SNX29: variants seen among roughly 807,000 people sequenced by gnomAD.
The protein encoded by SNX29 is sorting nexin-29.
A neutral mutation model predicts 102.1 loss-of-function variants in SNX29; 78 were observed. The ratio of observed to expected loss-of-function variants is 0.76; its 90% CI spans 0.64 to 0.92. SNX29 has a LOEUF of 0.92. Among genes scored for constraint, SNX29 ranks in the 40% least tolerant of loss-of-function variants. The pLI is 0.00. For synonymous variants in SNX29, 580 were observed against 414.5 expected, an observed-to-expected ratio of 1.40 and a Z score of -4.85; for missense variants, 1,280 against 1,061.7, an observed-to-expected ratio of 1.21 and a Z score of -2.86.
chr16:12,122,046 C>A (rs894787503), intron 11 of SNX29, among the ~76,000 whole-genome samples: 1 of 152,146 alleles, frequency 6.6e-6, no homozygotes, highest in African/African-American at 2.4e-5. Flanking sequence ...CATCTCCTGA[C>A]CTGAAGTGAT....
intron 3 of SNX29, among the ~76,000 whole-genome samples, chr16:12,006,915 C>T (rs1270416874): frequency 6.6e-6 from 1 of 152,206 alleles, no homozygotes; most frequent in Non-Finnish European, 1.5e-5. Context: ...CACACTGTGC[C>T]TGGGTTATCC....
At chr16:12,369,698 A>G (rs1037596541) in intron 16 of SNX29, among the ~76,000 whole-genome samples, 1 of 152,162 alleles carries the variant, frequency 6.6e-6, no homozygotes, top group Non-Finnish European at 1.5e-5. Flanking sequence ...AATTTGTTCA[A>G]TTTCTGCTAA....
intron 16 of SNX29, among the ~76,000 whole-genome samples, chr16:12,362,553 T>TCCCCCCCCCCCCCCCCCCCCC (rs1199911670): frequency 9.0e-5 from 1 of 11,060 alleles, no homozygotes; most frequent in Non-Finnish European, 2.1e-4. Flanking sequence ...GCTGCTGCAC[T>TCCCCCCCCCCCCCCCCCCCCC]CCCCCCCCAC....
At chr16:12,401,420 A>AGTGGT (rs1337528088) in intron 17 of SNX29, among the ~76,000 whole-genome samples, 1 of 131,396 alleles carries the variant, frequency 7.6e-6, no homozygotes, top group Non-Finnish European at 1.5e-5. Flanking sequence ...GCTGGAGTGC[A>AGTGGT]GTGGTGTGAC....
At chr16:12,502,623 G>C (rs1473441490) in intron 19 of SNX29, among the ~76,000 whole-genome samples, 1 of 152,154 alleles carries the variant, frequency 6.6e-6, no homozygotes, top group African/African-American at 2.4e-5. Flanking sequence ...TGATCTTCTA[G>C]CCAAGGAATT....
At chr16:12,474,283 A>G (rs1005701292) in intron 18 of SNX29, among the ~76,000 whole-genome samples, 2 of 152,192 alleles carry the variant, frequency 1.3e-5, no homozygotes, top group African/African-American at 2.4e-5. Flanking sequence ...ATAGGACTCA[A>G]CACATAATAG....
intron 20 of SNX29, among the ~76,000 whole-genome samples, chr16:12,528,294 T>C (rs749301702): frequency 6.6e-6 from 1 of 152,206 alleles, no homozygotes; most frequent in East Asian, 1.9e-4. Flanking sequence ...CTACCTCCGG[T>C]TCAAGTGATT....
intron 11 of SNX29, chr16:12,095,032 G>A (rs1437929287): frequency 6.6e-6 from 1 of 152,146 alleles, no homozygotes. Flanking sequence ...CAATGAAGAT[G>A]ATGATTTAGG....
At chr16:12,388,102 G>A (rs1394254817) in intron 16 of SNX29, among the ~76,000 whole-genome samples, 7 of 152,166 alleles carry the variant, frequency 4.6e-5, no homozygotes, top group East Asian at 1.9e-4. Context: ...TCGAGGCACC[G>A]CCTTTTGCAC....
intron 13 of SNX29, among the ~76,000 whole-genome samples, chr16:12,149,817 G>A (rs898576870): frequency 2.0e-5 from 3 of 152,172 alleles, no homozygotes; most frequent in African/African-American, 7.2e-5. Context: ...ATCTTTACCA[G>A]CCTCAGTCAA....
intron 8 of SNX29, among the ~76,000 whole-genome samples, chr16:12,056,087 G>A (rs2050509474): frequency 6.6e-6 from 1 of 152,140 alleles, no homozygotes; most frequent in Admixed American, 6.5e-5. Context: ...TCACCATGTT[G>A]GCCAGGCCTG....
At chr16:12,556,917 A>G (rs2078393238) in intron 20 of SNX29, among the ~76,000 whole-genome samples, 2 of 138,344 alleles carry the variant, frequency 1.4e-5, no homozygotes, top group East Asian at 4.1e-4. Flanking sequence ...TAGTGGCATG[A>G]TCTCGGCTCA....
At chr16:12,554,635 C>T (rs1394177758) in intron 20 of SNX29, among the ~76,000 whole-genome samples, 4 of 152,190 alleles carry the variant, frequency 2.6e-5, no homozygotes, top group Admixed American at 6.5e-5. Context: ...CCTCAGTTTC[C>T]CCAGGTTTCA....
At chr16:12,515,063 G>A (rs13336229) in intron 19 of SNX29, among the ~76,000 whole-genome samples, 57,403 of 151,916 alleles carry the variant, frequency 0.38, 11,691 homozygotes, top group South Asian at 0.6. Flanking sequence ...TGTTGCTAGT[G>A]ACGGCTCCTC....
At position 12,065,444 on chromosome 16, in the gene SNX29, G is replaced by A. The variant is rs572821250; in HGVS notation, c.1244-3613G>A. On this transcript the variant is annotated intron_variant, in intron 9 of 20. Coordinates refer to ENST00000566228, the MANE Select transcript of SNX29 (RefSeq NM_032167.5). Reference sequence around the variant, plus strand: ...ATTGAGGGTCCTGTGTTTAGTATTGGGTTTTAGGAAATGCACAATTTCCAA... The same window carrying A: ...ATTGAGGGTCCTGTGTTTAGTATTGAGTTTTAGGAAATGCACAATTTCCAA... 1.1e-4 allele frequency among the ~76,000 whole-genome samples: 17 copies of A among 152,212 alleles called. No individual in the cohort carries two copies. The South Asian group carries it at 3.5e-3, about 32-fold the overall frequency.
intron 14 of SNX29, among the ~76,000 whole-genome samples, chr16:12,211,141 G>A (rs1040360911): frequency 1.3e-5 from 2 of 152,104 alleles, no homozygotes; most frequent in Non-Finnish European, 1.5e-5. Flanking sequence ...TCAGGGCACC[G>A]TTTCATTCAT....
chr16:12,412,423 C>G (rs774791229), intron 18 of SNX29, among the ~76,000 whole-genome samples: 25 of 152,236 alleles, frequency 1.6e-4, no homozygotes, highest in Non-Finnish European at 3.1e-4. Context: ...GAAAGGAATT[C>G]TGTCACTCTC....
At chr16:12,304,456 A>G (rs1038690782) in intron 15 of SNX29, among the ~76,000 whole-genome samples, 1 of 152,238 alleles carries the variant, frequency 6.6e-6, no homozygotes, top group African/African-American at 2.4e-5. Flanking sequence ...TAAAACAGAC[A>G]TTTAATTCAT....
intron 20 of SNX29, among the ~76,000 whole-genome samples, chr16:12,559,925 G>C (rs180923861): frequency 5.3e-5 from 8 of 152,284 alleles, no homozygotes; most frequent in Admixed American, 1.3e-4. Flanking sequence ...CTTGCAGTGA[G>C]TCGAGATTAC....
Sources: gnomAD v4.1 joint callset for allele counts (sites outside exome capture counted in the v4.1 genomes callset) on GRCh38, gnomAD v4.1.1 for gene constraint, MANE v1.5 for transcripts, NCBI Gene and HGNC (gene_info 2026-07-23, HGNC 2026-07-21) for gene names.